CHRM2: variants seen among roughly 807,000 people sequenced by gnomAD.
CHRM2 encodes cholinergic receptor muscarinic 2.
A neutral mutation model predicts 25.0 loss-of-function variants in CHRM2; 8 were observed. The observed-to-expected ratio is 0.32, with a 90% confidence interval of 0.19 to 0.58. CHRM2 has a LOEUF of 0.58. Ranked by LOEUF, CHRM2 falls within the 20% of genes least tolerant of loss-of-function variation. The probability of loss-of-function intolerance (pLI) is 0.88; values close to 1 mark genes in which losing one functional copy is unlikely to be tolerated. For missense variants in CHRM2, 440 were observed against 567.1 expected, an observed-to-expected ratio of 0.78 and a Z score of 2.28; for synonymous variants, 202 against 205.7, an observed-to-expected ratio of 0.98 and a Z score of 0.15.
At chr7:136,950,804 T>TGTTGTTGTTGTTGTTGTTGTTGTTGA (rs1800365435) in intron 2 of CHRM2, among the ~76,000 whole-genome samples, 3 of 150,938 alleles carry the variant, frequency 2.0e-5, no homozygotes, top group African/African-American at 7.4e-5. Flanking sequence ...GTTGTTGTTG[T>TGTTGTTGTTGTTGTTGTTGTTGTTGA]TGTTGTTGTT....
At chr7:136,935,734 G>T (rs1584784214) in intron 2 of CHRM2, among the ~76,000 whole-genome samples, 1 of 152,224 alleles carries the variant, frequency 6.6e-6, no homozygotes, top group Middle Eastern at 3.4e-3. Flanking sequence ...ACTCCATTAG[G>T]ATTGTTACAG....
At chr7:136,941,094 T>C (rs890212781) in intron 2 of CHRM2, among the ~76,000 whole-genome samples, 3 of 152,226 alleles carry the variant, frequency 2.0e-5, no homozygotes, top group Non-Finnish European at 4.4e-5. Flanking sequence ...TAACCTCTTA[T>C]CTGAACTTCA....
At chr7:136,872,076 T>C (rs10225367) in intron 2 of CHRM2, 18,591 of 152,180 alleles carry the variant, frequency 0.12, 1,217 homozygotes, top group Middle Eastern at 0.23. Flanking sequence ...TTTACCATTT[T>C]AAAATAAAGC....
intron 2 of CHRM2, among the ~76,000 whole-genome samples, chr7:136,887,236 C>G (rs1796503476): frequency 6.6e-6 from 1 of 152,060 alleles, no homozygotes. Flanking sequence ...TGTTGTATAT[C>G]TTAAATATAC....
chr7:136,916,827 CCT>C (rs1450383113), intron 2 of CHRM2, among the ~76,000 whole-genome samples: 3 of 142,100 alleles, frequency 2.1e-5, no homozygotes, highest in East Asian at 4.0e-4. Context: ...TATCATTCTC[CCT>C]CTCTTTCTCT....
intron 2 of CHRM2, among the ~76,000 whole-genome samples, chr7:136,880,493 A>G (rs947832371): frequency 3.3e-5 from 5 of 151,830 alleles, no homozygotes; most frequent in Non-Finnish European, 7.4e-5. Flanking sequence ...CAAATTCCTG[A>G]GTGTTCTTAC....
chr7:136,885,446 C>A (rs963393094), intron 2 of CHRM2, among the ~76,000 whole-genome samples: 2 of 152,228 alleles, frequency 1.3e-5, no homozygotes, highest in Non-Finnish European at 2.9e-5. Flanking sequence ...TCATTCATAT[C>A]AGTAACATTT....
chr7:136,905,667 G>T (rs1244769636), intron 2 of CHRM2, among the ~76,000 whole-genome samples: 2 of 151,286 alleles, frequency 1.3e-5, no homozygotes, highest in Non-Finnish European at 1.5e-5. Context: ...TTTATAATTA[G>T]AATTTATTTA....
chr7:136,999,322 C>A (rs566834623), intron 3 of CHRM2, among the ~76,000 whole-genome samples: 5 of 152,052 alleles, frequency 3.3e-5, no homozygotes, highest in African/African-American at 9.7e-5. Context: ...CCATGGCACA[C>A]GTTTATTTAT....
At chr7:136,880,151 C>T (rs73157096) in intron 2 of CHRM2, among the ~76,000 whole-genome samples, 8,852 of 151,190 alleles carry the variant, frequency 0.059, 353 homozygotes, top group Middle Eastern at 0.092. Context: ...CGGTTTAATT[C>T]CGTTATTTGA....
At chr7:136,918,240 C>A (rs894364779) in intron 2 of CHRM2, among the ~76,000 whole-genome samples, 2 of 152,040 alleles carry the variant, frequency 1.3e-5, no homozygotes, top group African/African-American at 4.8e-5. Context: ...GTCCTTATAT[C>A]TCATTATTTA....
intron 2 of CHRM2, among the ~76,000 whole-genome samples, chr7:136,885,909 C>T (rs947535779): frequency 1.3e-5 from 2 of 152,034 alleles, no homozygotes; most frequent in Non-Finnish European, 2.9e-5. Context: ...AGGAATGGAA[C>T]ATTCAGAGTC....
intron 2 of CHRM2, among the ~76,000 whole-genome samples, chr7:136,926,003 G>A (rs1268884139): frequency 2.6e-5 from 4 of 152,162 alleles, no homozygotes; most frequent in Non-Finnish European, 5.9e-5. Flanking sequence ...TTGGGAGGCC[G>A]AGGTGGGCAG....
At chr7:136,983,812 C>T (rs999835015) in intron 2 of CHRM2, among the ~76,000 whole-genome samples, 2 of 152,122 alleles carry the variant, frequency 1.3e-5, no homozygotes, top group South Asian at 2.1e-4. Context: ...CTGGAAGCTT[C>T]ATCCCAGAGG....
chr7:136,889,625 G>A (rs571076968), intron 2 of CHRM2, among the ~76,000 whole-genome samples: 13 of 152,088 alleles, frequency 8.5e-5, no homozygotes, highest in Non-Finnish European at 1.8e-4. Context: ...ACCAATGCCT[G>A]CAATTACTTT....
chr7:136,942,860 C>CT (rs1362999486), intron 2 of CHRM2, among the ~76,000 whole-genome samples: 1 of 151,850 alleles, frequency 6.6e-6, no homozygotes, highest in African/African-American at 2.4e-5. Context: ...TTTCTTCTCT[C>CT]TTTTCTTTTC....
chr7:136,944,199 T>C (rs1024930494), intron 2 of CHRM2, among the ~76,000 whole-genome samples: 1 of 152,126 alleles, frequency 6.6e-6, no homozygotes, highest in Admixed American at 6.6e-5. Flanking sequence ...ACCCAAGCAG[T>C]GTACACTGTA....
At chr7:136,884,638 G>C (rs1227266347) in intron 2 of CHRM2, among the ~76,000 whole-genome samples, 2 of 152,120 alleles carry the variant, frequency 1.3e-5, no homozygotes, top group Non-Finnish European at 2.9e-5. Context: ...GATAGAATGT[G>C]CTCCCAGACC....
Position 136,869,371 on chromosome 7 carries a change from T to G in CHRM2, c.-172T>G, listed in dbSNP as rs946583977. 4 of 152,412 alleles carry G rather than the reference T, an allele frequency of 2.6e-5. No individual in the cohort carries two copies. The highest frequency in any genetic ancestry group is 9.6e-5 in the African/African-American group (4 of 41,544). 9.4% of individuals were successfully genotyped at this position (152,412 alleles called of 1,614,324 possible). On this transcript the variant is annotated 5_prime_UTR_variant, in exon 2 of 4. Coordinates refer to ENST00000680005, the MANE Select transcript of CHRM2 (RefSeq NM_001006630.2). This position sits in a 1 kb window ranked among gnomAD's most constrained non-coding sequence, Gnocchi z 4.9. ...AAAGGACTCCTCGCTCCTTCAAGCC[T>G]CCACCACCTCGCAGCCGGGGAGGCA...
Sources: allele counts gnomAD v4.1 joint callset (sites outside exome capture counted in the v4.1 genomes callset), GRCh38; gene constraint gnomAD v4.1.1; non-coding constraint Gnocchi (gnomAD v3.1); transcripts MANE v1.5; gene names NCBI Gene and HGNC (gene_info 2026-07-23, HGNC 2026-07-21).